DOCK3: variants seen among roughly 807,000 people sequenced by gnomAD.
The protein encoded by DOCK3 is dedicator of cytokinesis protein 3.
DOCK3 carries 60 observed loss-of-function variants against 265.6 expected under a neutral mutation model. The observed-to-expected ratio is 0.23, with a 90% CI of 0.18 to 0.28. DOCK3 has a LOEUF of 0.28. Ranked by LOEUF, DOCK3 falls within the 10% of genes least tolerant of loss-of-function variation. The pLI is 1.00. For synonymous variants in DOCK3, 881 were observed against 938.0 expected, an observed-to-expected ratio of 0.94 and a Z score of 1.11; for missense variants, 1,981 against 2,594.3, an observed-to-expected ratio of 0.76 and a Z score of 5.14.
chr3:50,846,440 G>A (rs936612182), intron 3 of DOCK3, among the ~76,000 whole-genome samples: 2 of 152,142 alleles, frequency 1.3e-5, no homozygotes, highest in African/African-American at 4.8e-5. Flanking sequence ...TTTGGTCTGC[G>A]TTCAGGGATA....
intron 6 of DOCK3, among the ~76,000 whole-genome samples, chr3:51,071,232 G>A (rs2081854439): frequency 6.6e-6 from 1 of 152,138 alleles, no homozygotes; most frequent in South Asian, 2.1e-4. Context: ...TAGCTGCTGT[G>A]TCCCTAGGTT....
chr3:51,321,851 G>C (rs1242696308), intron 32 of DOCK3, among the ~76,000 whole-genome samples: 2 of 152,192 alleles, frequency 1.3e-5, no homozygotes, highest in Non-Finnish European at 2.9e-5. Flanking sequence ...ATATACGTTT[G>C]ATTGGCGTAC....
At chr3:51,276,360 A>G (rs1029807736) in intron 25 of DOCK3, 4 of 985,356 alleles carry the variant, frequency 4.1e-6, no homozygotes, top group Non-Finnish European at 3.6e-6. Context: ...CCAAGGTTGT[A>G]TTGAGGGGGT....
At chr3:50,745,495 C>T (rs1380411802) in intron 1 of DOCK3, among the ~76,000 whole-genome samples, 1 of 152,182 alleles carries the variant, frequency 6.6e-6, no homozygotes, top group Non-Finnish European at 1.5e-5. Context: ...CTTATACTTC[C>T]ATGGTTAAGC....
At chr3:50,821,267 G>A (rs953724037) in intron 2 of DOCK3, among the ~76,000 whole-genome samples, 5 of 151,216 alleles carry the variant, frequency 3.3e-5, no homozygotes, top group Admixed American at 3.3e-4. Flanking sequence ...GGCCAATGCC[G>A]AGAAGGTATT....
intron 9 of DOCK3, among the ~76,000 whole-genome samples, chr3:51,101,545 T>C (rs1161215285): frequency 6.6e-6 from 1 of 152,260 alleles, no homozygotes; most frequent in Non-Finnish European, 1.5e-5. Context: ...CTTTTGAAGA[T>C]GTTTTTCAAC....
chr3:50,994,395 T>A (rs1378906365), intron 5 of DOCK3, among the ~76,000 whole-genome samples: 1 of 152,220 alleles, frequency 6.6e-6, no homozygotes, highest in Admixed American at 6.5e-5. Flanking sequence ...TAAAGGAAAC[T>A]CTGACATAGA....
intron 2 of DOCK3, among the ~76,000 whole-genome samples, chr3:50,822,449 T>A (rs772982254): frequency 5.3e-5 from 8 of 152,154 alleles, no homozygotes; most frequent in Admixed American, 1.3e-4. Context: ...ATTGTCACAA[T>A]GATATTGAGA....
intron 3 of DOCK3, among the ~76,000 whole-genome samples, chr3:50,882,097 C>G (rs1359131423): frequency 6.6e-5 from 10 of 151,984 alleles, no homozygotes; most frequent in Admixed American, 6.6e-4. Flanking sequence ...CTTCCTTACA[C>G]CTTTTACAAG....
At chr3:50,879,306 C>A (rs1186901200) in intron 3 of DOCK3, among the ~76,000 whole-genome samples, 2 of 152,080 alleles carry the variant, frequency 1.3e-5, no homozygotes, top group Non-Finnish European at 2.9e-5. Context: ...AATGGGCTAA[C>A]TGCTCCAATT....
At chr3:51,123,986 C>T (rs149068293) in intron 9 of DOCK3, among the ~76,000 whole-genome samples, 64 of 152,236 alleles carry the variant, frequency 4.2e-4, no homozygotes, top group African/African-American at 1.4e-3. Flanking sequence ...CCACCATGAG[C>T]GTGTAGACCA....
At chr3:51,093,041 T>C (rs2082699622) in intron 9 of DOCK3, among the ~76,000 whole-genome samples, 1 of 152,160 alleles carries the variant, frequency 6.6e-6, no homozygotes, top group South Asian at 2.1e-4. Context: ...GGCCTATATA[T>C]CCGTTTTGGT....
At chr3:51,163,894 T>C (rs2086253967) in intron 12 of DOCK3, among the ~76,000 whole-genome samples, 1 of 152,150 alleles carries the variant, frequency 6.6e-6, no homozygotes, top group African/African-American at 2.4e-5. Flanking sequence ...GCTCTCAAAT[T>C]TTATGAAAAA....
intron 2 of DOCK3, among the ~76,000 whole-genome samples, chr3:50,825,061 T>C (rs1221312565): frequency 6.6e-6 from 1 of 152,174 alleles, no homozygotes; most frequent in Non-Finnish European, 1.5e-5. Flanking sequence ...TTTAATAATA[T>C]TGGGCTTTTA....
chr3:51,101,113 CTTTTTTTTT>C (rs59972198), intron 9 of DOCK3, among the ~76,000 whole-genome samples: 1 of 122,566 alleles, frequency 8.2e-6, no homozygotes, highest in African/African-American at 3.2e-5. Flanking sequence ...CTTAGTCTTT[CTTTTTTTTT>C]TTTTTTTTTG....
chr3:51,043,704 G>C (rs774951431), intron 5 of DOCK3, among the ~76,000 whole-genome samples: 1 of 151,534 alleles, frequency 6.6e-6, no homozygotes, highest in African/African-American at 2.4e-5. Context: ...TTGATATCTA[G>C]TATCTATAAG....
chr3:51,053,078 G>GATAT (rs59382660), intron 5 of DOCK3, among the ~76,000 whole-genome samples: 1,667 of 43,312 alleles, frequency 0.038, 160 homozygotes, highest in Non-Finnish European at 0.047. Flanking sequence ...AAAAGTCAAA[G>GATAT]ATATATATAT....
At chr3:50,993,650 T>C (rs999861084) in intron 5 of DOCK3, among the ~76,000 whole-genome samples, 8 of 152,238 alleles carry the variant, frequency 5.3e-5, no homozygotes, top group African/African-American at 1.9e-4. Context: ...TTTTACTAAA[T>C]AGTTCTTTAA....
At chr3:50,694,579 C>T (rs574130874) in intron 1 of DOCK3, among the ~76,000 whole-genome samples, 106 of 152,248 alleles carry the variant, frequency 7.0e-4, no homozygotes, top group African/African-American at 2.2e-3. Flanking sequence ...GAGGCCAAAG[C>T]GGGCAGATCA....
Sources: allele counts gnomAD v4.1 joint callset (sites outside exome capture counted in the v4.1 genomes callset), GRCh38; gene constraint gnomAD v4.1.1; transcripts MANE v1.5; gene names NCBI Gene and HGNC (gene_info 2026-07-23, HGNC 2026-07-21).